The following NSMCE2 variants were observed in gnomAD, a reference collection of about 807,000 sequenced individuals.
The protein encoded by NSMCE2 is NSE2 SUMO ligase component of SMC5/6 complex.
A neutral mutation model predicts 23.8 loss-of-function variants in NSMCE2; 24 were observed. The observed-to-expected ratio is 1.01, with a 90% CI of 0.73 to 1.42. The LOEUF (loss-of-function observed/expected upper bound fraction) is 1.42, where lower values mean the gene tolerates loss of function less well. Among genes scored for constraint, NSMCE2 ranks in the 40% most tolerant of loss-of-function variants. The probability of loss-of-function intolerance (pLI) is 0.00; values close to 1 mark genes in which losing one functional copy is unlikely to be tolerated. For missense variants in NSMCE2, 284 were observed against 296.5 expected (o/e 0.96, Z 0.31); for synonymous variants, 92 against 94.1 (o/e 0.98, Z 0.13).
chr8:125,360,263 G>T (rs1813472977), intron 7 of NSMCE2, among the ~76,000 whole-genome samples: 1 of 152,202 alleles, frequency 6.6e-6, no homozygotes, highest in South Asian at 2.1e-4. Context: ...TGCAGCAAGT[G>T]TGAGTTTTGC....
chr8:125,240,185 G>T (rs1353481011), intron 5 of NSMCE2, among the ~76,000 whole-genome samples: 2 of 151,594 alleles, frequency 1.3e-5, no homozygotes, highest in Non-Finnish European at 2.9e-5. Context: ...GAGTGCAGTG[G>T]CAGATCTTGG....
At chr8:125,316,769 T>TTCCTTCCTTCCTTCCTTCCC (rs1242823711) in intron 5 of NSMCE2, among the ~76,000 whole-genome samples, 1 of 140,410 alleles carries the variant, frequency 7.1e-6, no homozygotes, top group Non-Finnish European at 1.6e-5. Context: ...CCTTCCTTCC[T>TTCCTTCCTTCCTTCCTTCCC]TCTCTCTCTC....
chr8:125,243,397 TTCCAAAAGGAAGA>T, intron 5 of NSMCE2, among the ~76,000 whole-genome samples: 1 of 152,146 alleles, frequency 6.6e-6, no homozygotes, highest in Admixed American at 6.6e-5. Context: ...CTGAAAGATG[TTCCAAAAGGAAGA>T]TCCAAAAGGA....
chr8:125,093,824 C>T (rs765674986), intron 1 of NSMCE2, among the ~76,000 whole-genome samples: 4 of 152,144 alleles, frequency 2.6e-5, no homozygotes, highest in Non-Finnish European at 5.9e-5. Context: ...GTGACAGCGT[C>T]TCACTCTTAT....
chr8:125,325,990 GC>G (rs2131283412), intron 5 of NSMCE2, among the ~76,000 whole-genome samples: 1 of 151,896 alleles, frequency 6.6e-6, no homozygotes, highest in East Asian at 1.9e-4. Flanking sequence ...GGGCGCGGTG[GC>G]TCATGCCTGT....
rs1245204537 is a variant in NSMCE2 at position 125,151,297 on chromosome 8, TG to T, written c.264+22del. The stretch of plus-strand genomic sequence containing the variant: ...AATCATGTAAGTTTATACCACTCCC[TG>T]GTTATATATTTGGTTACAACTCACT... On this transcript the variant is annotated intron_variant, in intron 4 of 7. Coordinates refer to ENST00000287437, the MANE Select transcript of NSMCE2 (RefSeq NM_173685.4). 8.1e-7 allele frequency: 1 copy of T among 1,240,610 alleles called. No individual in the cohort carries two copies. The highest frequency in any genetic ancestry group is 1.2e-6 in the Non-Finnish European group (1 of 845,654). The allele number at this position is 1,240,610 out of a possible 1,614,324, so 76.9% of individuals were successfully genotyped here. A position where few individuals can be genotyped will look rare whatever the true frequency, so the allele number is the denominator to read the frequency against.
intron 3 of NSMCE2, among the ~76,000 whole-genome samples, chr8:125,115,018 G>A (rs1818931215): frequency 6.6e-6 from 1 of 152,126 alleles, no homozygotes; most frequent in South Asian, 2.1e-4. Context: ...TCACTGGACT[G>A]TATGTCCTTG....
intron 3 of NSMCE2, among the ~76,000 whole-genome samples, chr8:125,115,019 T>G (rs1449384803): frequency 6.6e-6 from 1 of 152,232 alleles, no homozygotes; most frequent in African/African-American, 2.4e-5. Context: ...CACTGGACTG[T>G]ATGTCCTTGA....
intron 4 of NSMCE2, among the ~76,000 whole-genome samples, chr8:125,165,914 G>A (rs568416891): frequency 2.2e-4 from 33 of 152,260 alleles, no homozygotes; most frequent in African/African-American, 5.8e-4. Context: ...AGAGAAAGCA[G>A]TGCCAGAGAA....
At chr8:125,313,662 A>C in intron 5 of NSMCE2, among the ~76,000 whole-genome samples, 1 of 152,010 alleles carries the variant, frequency 6.6e-6, no homozygotes, top group African/African-American at 2.4e-5. Flanking sequence ...TTCTACATCC[A>C]CCCTCAGCCC....
At chr8:125,129,544 CTGTGTGTGTGTGTGTG>C (rs10578122) in intron 3 of NSMCE2, among the ~76,000 whole-genome samples, 2 of 145,358 alleles carry the variant, frequency 1.4e-5, no homozygotes, top group East Asian at 2.0e-4. Flanking sequence ...AGATTTGGCT[CTGTGTGTGTGTGTGTG>C]TGTGTGTGTG....
intron 1 of NSMCE2, among the ~76,000 whole-genome samples, chr8:125,094,936 C>G (rs932835630): frequency 6.6e-6 from 1 of 152,212 alleles, no homozygotes; most frequent in South Asian, 2.1e-4. Flanking sequence ...TTACTGCAAC[C>G]TCAACCTCCC....
At chr8:125,142,795 T>C (rs988872568) in intron 3 of NSMCE2, among the ~76,000 whole-genome samples, 1 of 149,924 alleles carries the variant, frequency 6.7e-6, no homozygotes, top group African/African-American at 2.5e-5. Context: ...GTAGAGACGG[T>C]TTCTCCATGT....
chr8:125,165,763 G>A (rs760273667), intron 4 of NSMCE2, among the ~76,000 whole-genome samples: 7 of 152,026 alleles, frequency 4.6e-5, no homozygotes, highest in Admixed American at 4.6e-4. Flanking sequence ...GCAGTTTTTT[G>A]ATTAGACTTG....
intron 3 of NSMCE2, among the ~76,000 whole-genome samples, chr8:125,145,395 G>A (rs746287230): frequency 6.6e-6 from 1 of 152,102 alleles, no homozygotes; most frequent in Admixed American, 6.6e-5. Context: ...GGCAGTGCGG[G>A]GGGGATAGCT....
chr8:125,163,508 C>T (rs559495634), intron 4 of NSMCE2, among the ~76,000 whole-genome samples: 1 of 152,302 alleles, frequency 6.6e-6, no homozygotes, highest in African/African-American at 2.4e-5. Context: ...TTCTGTATTT[C>T]AGCTTCCTCA....
At chr8:125,135,637 A>G (rs781651549) in intron 3 of NSMCE2, among the ~76,000 whole-genome samples, 1 of 152,076 alleles carries the variant, frequency 6.6e-6, no homozygotes, top group Non-Finnish European at 1.5e-5. Flanking sequence ...TGGATAGCCA[A>G]TTGTCCTAGC....
intron 4 of NSMCE2, among the ~76,000 whole-genome samples, chr8:125,167,763 AT>A (rs113680431): frequency 0.067 from 9,770 of 146,156 alleles, 414 homozygotes; most frequent in South Asian, 0.16. Context: ...TTCTTGTAAG[AT>A]TTTTTTTTTT....
At chr8:125,324,305 AT>A (rs924968241) in intron 5 of NSMCE2, among the ~76,000 whole-genome samples, 9 of 152,106 alleles carry the variant, frequency 5.9e-5, no homozygotes, top group Non-Finnish European at 1.0e-4. Context: ...ACTTCGAGAT[AT>A]TTATTCAAGA....
Sources: gnomAD v4.1 joint callset for allele counts (sites outside exome capture counted in the v4.1 genomes callset) on GRCh38, gnomAD v4.1.1 for gene constraint, MANE v1.5 for transcripts, NCBI Gene and HGNC (gene_info 2026-07-23, HGNC 2026-07-21) for gene names.